The following FBXL13 variants were observed in gnomAD, a reference collection of about 807,000 sequenced individuals.
The protein encoded by FBXL13 is F-box and leucine-rich repeat protein 13.
A neutral mutation model predicts 83.6 loss-of-function variants in FBXL13; 67 were observed. The observed-to-expected ratio is 0.80, with a 90% CI of 0.66 to 0.98. FBXL13 has a LOEUF of 0.98. FBXL13 is among the 50% of genes least tolerant of loss of function. FBXL13 has a pLI of 0.00. For missense variants in FBXL13, 822 were observed against 866.5 expected (o/e 0.95, Z 0.64); for synonymous variants, 272 against 299.5 (o/e 0.91, Z 0.95).
chr7:102,815,514 C>T (rs1403134287), intron 19 of FBXL13, among the ~76,000 whole-genome samples: 1 of 152,072 alleles, frequency 6.6e-6, no homozygotes, highest in Non-Finnish European at 1.5e-5. Flanking sequence ...CCCTCCTGCC[C>T]CCTGCCTCCC....
intron 2 of FBXL13, among the ~76,000 whole-genome samples, chr7:103,054,056 C>T (rs188609951): frequency 3.3e-5 from 5 of 152,216 alleles, no homozygotes; most frequent in Admixed American, 3.3e-4. Context: ...AGTAGCAACT[C>T]CAAGTCCTGC....
In FBXL13 at chr7:102,832,992, G is replaced by A; in HGVS notation, c.1720-18C>T. The stretch of plus-strand genomic sequence containing the variant: ...CAGAATGCCTGCAAAAAATTCCAAG[G>A]TCAAATTTTTTCTTTTCTTTAGTCA... On this transcript the variant is annotated intron_variant, in intron 17 of 19. Transcript: ENST00000313221. The A allele has an allele frequency of 6.2e-7, 1 of 1,613,390 alleles. No homozygotes were observed. Among genetic ancestry groups the A allele is most frequent in the Non-Finnish European group, 8.5e-7 (1 of 1,179,772 alleles).
intron 6 of FBXL13, among the ~76,000 whole-genome samples, chr7:102,970,402 G>A (rs1585183961): frequency 1.3e-5 from 2 of 152,166 alleles, no homozygotes; most frequent in African/African-American, 4.8e-5. Flanking sequence ...CAGCGATTAT[G>A]TGTGTTGGGA....
At chr7:103,041,847 C>G (rs1047709639) in intron 2 of FBXL13, among the ~76,000 whole-genome samples, 5 of 152,266 alleles carry the variant, frequency 3.3e-5, no homozygotes, top group African/African-American at 1.2e-4. Context: ...CTATTTATGA[C>G]AAACCCACAG....
At chr7:102,883,656 T>C (rs1402286831) in exon 13 of FBXL13, 2 of 1,610,416 alleles carry the variant, frequency 1.2e-6, no homozygotes, top group South Asian at 1.1e-5. Flanking sequence ...AAACCAGCGA[T>C]GTAATACGAG....
exon 1 of FBXL13, chr7:103,074,438 T>G (rs1403020726): frequency 9.0e-7 from 1 of 1,107,096 alleles, no homozygotes. Context: ...CTGGGCCTTG[T>G]GCTCATTCCC....
intron 6 of FBXL13, among the ~76,000 whole-genome samples, chr7:103,020,573 T>C (rs970152942): frequency 1.3e-5 from 2 of 152,220 alleles, no homozygotes; most frequent in Admixed American, 1.3e-4. Context: ...TGATTGTATA[T>C]TTAGAAAACC....
intron 6 of FBXL13, among the ~76,000 whole-genome samples, chr7:102,972,869 GT>G (rs1554486408): frequency 1.3e-5 from 2 of 151,750 alleles, no homozygotes; most frequent in Non-Finnish European, 2.9e-5. Context: ...TTGCTTTAAT[GT>G]TTTTCCCCCA....
At chr7:103,071,221 A>T (rs115063120) in intron 1 of FBXL13, among the ~76,000 whole-genome samples, 45 of 152,262 alleles carry the variant, frequency 3.0e-4, no homozygotes, top group African/African-American at 9.6e-4. Context: ...GAAAAAGAAA[A>T]AAAAAGCTAA....
rs1315657825 is a variant in FBXL13 at position 102,848,282 on chromosome 7, C to A, written c.1719+6495G>T. Among the ~76,000 whole-genome samples the A allele has an allele frequency of 4.3e-5, 2 of 46,536 alleles. 1 individual carries two copies. Among genetic ancestry groups the A allele is most frequent in the Non-Finnish European group, 7.3e-5 (2 of 27,468 alleles). 30.5% of individuals were successfully genotyped at this position (46,536 alleles called of 152,430 possible). A position where few individuals can be genotyped will look rare whatever the true frequency, so the allele number is the denominator to read the frequency against. On this transcript the variant is annotated intron_variant, in intron 17 of 19. Transcript: ENST00000313221. ...TAAAAAATACACATTCGAGGCCGGG[C>A]GCGGTGGCTCACGCCTGTAATCCCA...
At chr7:103,036,127 T>C (rs1443609576) in intron 2 of FBXL13, among the ~76,000 whole-genome samples, 2 of 152,158 alleles carry the variant, frequency 1.3e-5, no homozygotes, top group African/African-American at 4.8e-5. Context: ...CTTATGAGAA[T>C]CTAACTAATG....
chr7:102,827,536 T>G (rs1019123959), intron 18 of FBXL13, among the ~76,000 whole-genome samples: 2 of 152,210 alleles, frequency 1.3e-5, no homozygotes, highest in Non-Finnish European at 2.9e-5. Context: ...TGATCATTTT[T>G]TTTTTATACT....
At chr7:103,018,550 C>T (rs1420689686) in intron 6 of FBXL13, among the ~76,000 whole-genome samples, 1 of 152,088 alleles carries the variant, frequency 6.6e-6, no homozygotes, top group Non-Finnish European at 1.5e-5. Context: ...AGACTCAAGA[C>T]CCATCAGTGT....
At chr7:102,957,611 G>T (rs1315169040) in intron 8 of FBXL13, among the ~76,000 whole-genome samples, 1 of 152,010 alleles carries the variant, frequency 6.6e-6, no homozygotes, top group African/African-American at 2.4e-5. Context: ...TACAGAATGG[G>T]AGAAAATTTT....
chr7:102,813,527 C>T, exon 20 of FBXL13: 2 of 1,613,666 alleles, frequency 1.2e-6, no homozygotes, highest in South Asian at 1.1e-5. Flanking sequence ...CTTTGAGCTG[C>T]CTTCCTGTAA....
chr7:102,901,620 T>G (rs1022257860), intron 11 of FBXL13, among the ~76,000 whole-genome samples: 3 of 152,178 alleles, frequency 2.0e-5, no homozygotes, highest in African/African-American at 4.8e-5. Context: ...TCAATTGTTT[T>G]GATTTTTATT....
At chr7:102,869,006 T>C (rs868829939) in intron 16 of FBXL13, among the ~76,000 whole-genome samples, 58 of 152,220 alleles carry the variant, frequency 3.8e-4, no homozygotes, top group African/African-American at 2.4e-5. Context: ...AGTAGTGGGA[T>C]TGCCAGAACA....
chr7:102,813,869 G>C, intron 19 of FBXL13, among the ~76,000 whole-genome samples: 1 of 152,036 alleles, frequency 6.6e-6, no homozygotes, highest in East Asian at 1.9e-4. Context: ...CTCTGATGAG[G>C]GAGTAACCTA....
chr7:102,968,710 T>C (rs1184382360), intron 6 of FBXL13, among the ~76,000 whole-genome samples: 2 of 152,170 alleles, frequency 1.3e-5, no homozygotes, highest in African/African-American at 4.8e-5. Flanking sequence ...GTAAAACAAA[T>C]ATGCAAGGAC....
Sources: gnomAD v4.1 joint callset for allele counts (sites outside exome capture counted in the v4.1 genomes callset) on GRCh38, gnomAD v4.1.1 for gene constraint, MANE v1.5 for transcripts, NCBI Gene and HGNC (gene_info 2026-07-23, HGNC 2026-07-21) for gene names.